Variants in VWA3B observed in about 807,000 individuals in gnomAD.
VWA3B encodes the protein von Willebrand factor A domain containing 3B, also known as von Willebrand factor A domain-containing protein 3B.
VWA3B carries 138 observed loss-of-function variants against 158.3 expected under a neutral mutation model. The observed-to-expected ratio is 0.87, with a 90% CI of 0.76 to 1.00. VWA3B has a LOEUF of 1.00. Ranked by LOEUF, VWA3B falls within the 50% of genes least tolerant of loss-of-function variation. The probability of loss-of-function intolerance (pLI) is 0.00; values close to 1 mark genes in which losing one functional copy is unlikely to be tolerated. For synonymous variants in VWA3B, 596 were observed against 587.3 expected, an observed-to-expected ratio of 1.01 and a Z score of -0.21; for missense variants, 1,555 against 1,565.1, an observed-to-expected ratio of 0.99 and a Z score of 0.11.
At chr2:98,328,641 A>G in the VWA3B span, among the ~76,000 whole-genome samples, 35 of 152,332 alleles carry the variant, frequency 2.3e-4, no homozygotes, top group African/African-American at 7.9e-4. Context: ...TAGCCAAAGA[A>G]GAACCTCTAC....
intron 8 of VWA3B, among the ~76,000 whole-genome samples, chr2:98,165,921 A>G (rs933656849): frequency 2.6e-5 from 4 of 152,186 alleles, no homozygotes; most frequent in Admixed American, 2.6e-4. Context: ...CCCGGCAAAG[A>G]GAATGGGGAG....
chr2:98,300,147 C>T lies in VWA3B; in HGVS notation c.3351C>T (p.Val1117=), dbSNP rs1047409139. 5 of 1,614,206 alleles carry T rather than the reference C, an allele frequency of 3.1e-6. No homozygotes were observed. The highest frequency in any genetic ancestry group is 4.2e-6 in the Non-Finnish European group (5 of 1,180,038). ...KGFDFYVPAI[V]IALPNKHVAT... ...TTGACTTCTATGTCCCTGCCATTGT[C>T]ATAGCACTTCCCAATAAGCATGTGG... The change falls in exon 25 of 28, where the codon GTC becomes GTT. Residue 1117 remains valine (V), a synonymous_variant. Transcript: ENST00000477737.
chr2:98,210,494 TG>T (rs1683419337), intron 12 of VWA3B, among the ~76,000 whole-genome samples: 1 of 148,564 alleles, frequency 6.7e-6, no homozygotes, highest in Non-Finnish European at 1.5e-5. Context: ...GTCTGGCACG[TG>T]GTACTTATGT....
chr2:98,088,345 C>T (rs529602532), intron 1 of VWA3B, among the ~76,000 whole-genome samples: 10 of 152,132 alleles, frequency 6.6e-5, no homozygotes, highest in East Asian at 1.9e-4. Context: ...CCTGAACCTC[C>T]GAGCACATAG....
intron 24 of VWA3B, among the ~76,000 whole-genome samples, chr2:98,299,287 CCT>C (rs1205331486): frequency 6.6e-6 from 1 of 152,152 alleles, no homozygotes; most frequent in African/African-American, 2.4e-5. Flanking sequence ...GACTCCAGAC[CCT>C]GTTCTCCTGC....
chr2:98,167,053 G>T (rs1418175059), intron 8 of VWA3B, among the ~76,000 whole-genome samples: 1 of 152,062 alleles, frequency 6.6e-6, no homozygotes, highest in Non-Finnish European at 1.5e-5. Flanking sequence ...AGACTGGCTT[G>T]GAAGGCCTCC....
chr2:98,188,863 T>C (rs1681348398), intron 10 of VWA3B, among the ~76,000 whole-genome samples: 1 of 152,218 alleles, frequency 6.6e-6, no homozygotes, highest in African/African-American at 2.4e-5. Flanking sequence ...GTGCAGTTTA[T>C]TGAAAACAGC....
chr2:98,282,600 C>T (rs954858245), intron 22 of VWA3B, among the ~76,000 whole-genome samples: 7 of 151,930 alleles, frequency 4.6e-5, no homozygotes, highest in Non-Finnish European at 1.0e-4. Context: ...CCACACCCAG[C>T]TAATTTTTGT....
chr2:98,242,733 G>A (rs530438232), intron 19 of VWA3B, among the ~76,000 whole-genome samples: 6 of 147,798 alleles, frequency 4.1e-5, no homozygotes, highest in African/African-American at 1.3e-4. Flanking sequence ...TCATATACTA[G>A]GTTCTGAGTA....
chr2:98,121,499 G>A (rs774709273), intron 5 of VWA3B, 41 bp downstream of exon 5: 1 of 1,598,864 alleles, frequency 6.3e-7, no homozygotes, highest in South Asian at 1.1e-5. Flanking sequence ...CATGGAGGTG[G>A]CTTCCAGCTT....
chr2:98,270,673 GT>G lies in VWA3B; in HGVS notation c.2844-3del, dbSNP rs756380959. 1.2e-6 allele frequency: 2 copies of G among 1,601,634 alleles called. No homozygotes were observed. The highest frequency in any genetic ancestry group is 1.1e-5 in the South Asian group (1 of 88,686). ...CCTCTGTTTGTTTGTTTGTTTCTTT[GT>G]TTTTTAGGTTAGATGCAAACAAACC... On this transcript the variant is annotated splice_polypyrimidine_tract_variant and splice_region_variant and intron_variant, in intron 21 of 27. Transcript: ENST00000477737.
chr2:98,249,047 T>C (rs1490578060), intron 19 of VWA3B, among the ~76,000 whole-genome samples: 1 of 152,120 alleles, frequency 6.6e-6, no homozygotes, highest in Non-Finnish European at 1.5e-5. Flanking sequence ...ATTAAAAATT[T>C]ACCTCTTAAA....
intron 10 of VWA3B, among the ~76,000 whole-genome samples, chr2:98,189,413 G>A (rs1681394955): frequency 6.6e-6 from 1 of 152,176 alleles, no homozygotes; most frequent in Non-Finnish European, 1.5e-5. Context: ...CCAAATATTT[G>A]TGGATTTTCC....
chr2:98,126,034 G>A (rs7603969), intron 5 of VWA3B, among the ~76,000 whole-genome samples: 3,044 of 152,176 alleles, frequency 0.02, 51 homozygotes, highest in Non-Finnish European at 0.03. Context: ...ACAGGAGAGT[G>A]GGGGGGATAG....
chr2:98,131,333 C>A (rs895575079), intron 6 of VWA3B, among the ~76,000 whole-genome samples: 1 of 152,186 alleles, frequency 6.6e-6, no homozygotes, highest in Non-Finnish European at 1.5e-5. Flanking sequence ...TACCACCTTT[C>A]TTTATCCATT....
chr2:98,270,547 C>CT (rs1376978479), intron 21 of VWA3B, 135 bp from the exon 22 acceptor site: 5 of 866,032 alleles, frequency 5.8e-6, no homozygotes, highest in Non-Finnish European at 7.0e-6. Context: ...CATCTGACAC[C>CT]TGACACTAGC....
chr2:98,263,542 A>T (rs570071174), intron 21 of VWA3B, among the ~76,000 whole-genome samples: 7 of 152,000 alleles, frequency 4.6e-5, no homozygotes, highest in Non-Finnish European at 7.4e-5. Context: ...GGTATATTAC[A>T]TTAATTTTCA....
intron 5 of VWA3B, 57 bp from the exon 6 acceptor site, chr2:98,128,182 C>G: frequency 6.3e-7 from 1 of 1,590,112 alleles, no homozygotes. Context: ...ACTGATGAGA[C>G]TAGTACCAAG....
intron 21 of VWA3B, among the ~76,000 whole-genome samples, chr2:98,258,009 A>G (rs150136586): frequency 6.6e-6 from 1 of 151,666 alleles, no homozygotes; most frequent in African/African-American, 2.4e-5. Context: ...TGGACTTTTG[A>G]TCCATTTTTG....
Sources: gnomAD v4.1 joint callset for allele counts (sites outside exome capture counted in the v4.1 genomes callset) on GRCh38, gnomAD v4.1.1 for gene constraint, MANE v1.5 for transcripts, NCBI Gene and HGNC (gene_info 2026-07-23, HGNC 2026-07-21) for gene names.